The following TMEM184B variants were observed in gnomAD, a reference collection of about 807,000 sequenced individuals.
TMEM184B encodes the protein transmembrane protein 184B, also known as putative MAPK-activating protein FM08.
TMEM184B carries 17 observed loss-of-function variants against 41.8 expected under a neutral mutation model. The observed-to-expected ratio is 0.41, with a 90% CI of 0.28 to 0.61. TMEM184B has a LOEUF of 0.61. TMEM184B is among the 20% of genes least tolerant of loss of function. The probability of loss-of-function intolerance (pLI) is 0.34; values close to 1 mark genes in which losing one functional copy is unlikely to be tolerated. For synonymous variants in TMEM184B, 240 were observed against 229.5 expected (o/e 1.05, Z -0.41); for missense variants, 393 against 557.8 (o/e 0.70, Z 2.98).
rs1186724906 is a variant in TMEM184B, at chr22:38,266,657, A to G, written c.-59+6227T>C. ...AAATGTTTATAACCCGGTGTTAAGT[A>G]AACAATGAGATAACGTGTGTTCATG... On this transcript the variant is annotated intron_variant, in intron 1 of 8. Coordinates refer to ENST00000361906, the MANE Select transcript of TMEM184B (RefSeq NM_012264.5). 3.9e-5 allele frequency among the ~76,000 whole-genome samples: 6 copies of G among 152,272 alleles called. No homozygotes were observed. The East Asian group carries it at 1.2e-3, about 29-fold the overall frequency.
chr22:38,243,773 T>C (rs2091965624), intron 3 of TMEM184B, among the ~76,000 whole-genome samples: 1 of 152,168 alleles, frequency 6.6e-6, no homozygotes, highest in African/African-American at 2.4e-5. Context: ...AGGGGTTTGA[T>C]TAAGTCCCTT....
At chr22:38,218,772 A>T (rs1602342832), downstream of TMEM184B, among the ~76,000 whole-genome samples, 1 of 152,144 alleles carries the variant, frequency 6.6e-6, no homozygotes, top group Non-Finnish European at 1.5e-5. Context: ...GGCTGGTGGG[A>T]ATTCCCCCAC....
intron 3 of TMEM184B, among the ~76,000 whole-genome samples, chr22:38,238,962 G>A (rs1339313071): frequency 3.3e-5 from 5 of 152,180 alleles, no homozygotes; most frequent in Admixed American, 6.5e-5. Context: ...AAAACACGTG[G>A]GAAAACTGTG....
At chr22:38,254,563 G>A (rs989548010) in intron 1 of TMEM184B, among the ~76,000 whole-genome samples, 2 of 151,914 alleles carry the variant, frequency 1.3e-5, no homozygotes, top group Admixed American at 6.6e-5. Context: ...TCACACCACC[G>A]CACTCCAGCC....
chr22:38,243,158 G>A (rs8141378), intron 3 of TMEM184B, among the ~76,000 whole-genome samples: 7,582 of 152,044 alleles, frequency 0.05, 663 homozygotes, highest in African/African-American at 0.17. Context: ...AGGGATAATC[G>A]CGTTGCTAGG....
At chr22:38,245,392 G>T (rs1394189714) in intron 3 of TMEM184B, among the ~76,000 whole-genome samples, 1 of 146,092 alleles carries the variant, frequency 6.8e-6, no homozygotes, top group Non-Finnish European at 1.5e-5. Flanking sequence ...TGCCTGAGAC[G>T]CCAGCATTGA....
At position 38,219,301 on chromosome 22, in the gene TMEM184B, T is replaced by C; in HGVS notation, c.*2168A>G. 1.0e-6 allele frequency: 1 copy of C among 985,726 alleles called. No homozygotes were observed. Among genetic ancestry groups the C allele is most frequent in the Non-Finnish European group, 1.2e-6 (1 of 829,942 alleles). 61.1% of individuals were successfully genotyped at this position (985,726 alleles called of 1,614,324 possible). On this transcript the variant is annotated 3_prime_UTR_variant, in exon 9 of 9. Transcript: ENST00000361906. ...CCTCACCCACAGGCAGAGATTTCAA[T>C]ACAATCTATATTATCTCATATATAG... is the stretch of plus-strand genomic sequence containing the variant.
chr22:38,223,096 C>G (rs1193685991), intron 8 of TMEM184B: 1 of 152,476 alleles, frequency 6.6e-6, no homozygotes, highest in Non-Finnish European at 1.5e-5. Flanking sequence ...CACAGCTGAG[C>G]CAGCTCTGCA....
At chr22:38,218,976 C>T (rs2146033744), downstream of TMEM184B, among the ~76,000 whole-genome samples, 1 of 152,314 alleles carries the variant, frequency 6.6e-6, no homozygotes, top group South Asian at 2.1e-4. Flanking sequence ...CCAGGAAATC[C>T]TGGGAGATGC....
chr22:38,233,509 G>A (rs2091689788), intron 3 of TMEM184B, among the ~76,000 whole-genome samples: 2 of 152,212 alleles, frequency 1.3e-5, no homozygotes, highest in Non-Finnish European at 2.9e-5. Context: ...ACAGGGCTGA[G>A]GGCTGTGTGT....
At chr22:38,221,975 G>C (rs1255630582) in intron 8 of TMEM184B, 1 of 538,544 alleles carries the variant, frequency 1.9e-6, no homozygotes, top group Admixed American at 3.3e-5. Flanking sequence ...GCTGGCTGCA[G>C]GGAAGGGACC....
In TMEM184B at chr22:38,245,973, T is replaced by C. The variant is rs542415603; in HGVS notation, c.320A>G (p.Tyr107Cys). Residue 107 changes from tyrosine (Y) to cysteine (C), a missense_variant, in exon 3 of 9, where the codon TAC (tyrosine) becomes TGC (cysteine). Coordinates refer to ENST00000361906, the MANE Select transcript of TMEM184B (RefSeq NM_012264.5). ...LSLLFFTNDQYYVYFGTVRDC... is the reference protein window; with the variant it reads ...LSLLFFTNDQCYVYFGTVRDC... Reference sequence around the variant, plus strand: ...GCGGACGGTGCCGAAGTACACGTAGTACTGGTCGTTGGTGAAGAAGAGGAG... The same window carrying C: ...GCGGACGGTGCCGAAGTACACGTAGCACTGGTCGTTGGTGAAGAAGAGGAG... 1 of 1,609,124 alleles carries C rather than the reference T, an allele frequency of 6.2e-7. No individual in the cohort carries two copies. The highest frequency in any genetic ancestry group is 1.1e-5 in the South Asian group (1 of 91,014).
chr22:38,256,524 C>T (rs1459161297), intron 1 of TMEM184B, among the ~76,000 whole-genome samples: 2 of 152,062 alleles, frequency 1.3e-5, no homozygotes, highest in East Asian at 1.9e-4. Context: ...CCACCATGCC[C>T]GGCCAACAAT....
At position 38,221,348 on chromosome 22, in the gene TMEM184B, CAATA is replaced by C. The variant is rs1257593140; in HGVS notation, c.*117_*120del. 4.1e-6 allele frequency: 6 copies of C among 1,465,004 alleles called. No homozygotes were observed. The highest frequency in any genetic ancestry group is 2.7e-5 in the Admixed American group (1 of 37,618). The allele number at this position is 1,465,004 out of a possible 1,614,324, so 90.8% of individuals were successfully genotyped here. On this transcript the variant is annotated 3_prime_UTR_variant, in exon 9 of 9. Transcript: ENST00000361906. ...AAGTGACATGTGAGTGTTTCTGGTC[CAATA>C]AATAAAGGCGGCGTGAGCACTGTGC... is the stretch of plus-strand genomic sequence containing the variant.
chr22:38,230,922 A>G (rs2091598882), intron 4 of TMEM184B, among the ~76,000 whole-genome samples, 178 bp from the exon 5 acceptor site: 1 of 152,154 alleles, frequency 6.6e-6, no homozygotes, highest in Non-Finnish European at 1.5e-5. Flanking sequence ...CGCACATGCC[A>G]TAGGCGGAGG....
intron 1 of TMEM184B, chr22:38,272,565 C>T: frequency 1.6e-5 from 16 of 985,680 alleles, no homozygotes; most frequent in Non-Finnish European, 1.9e-5. Flanking sequence ...GCGCCTTGGT[C>T]CATCCGCCTC....
At chr22:38,223,683 T>C (rs1158456017) in intron 8 of TMEM184B, 2 of 152,360 alleles carry the variant, frequency 1.3e-5, no homozygotes, top group African/African-American at 4.8e-5. Flanking sequence ...GCCAGGCTCC[T>C]GGGTGGATGT....
intron 1 of TMEM184B, among the ~76,000 whole-genome samples, chr22:38,270,446 A>T (rs553810391): frequency 8.2e-4 from 125 of 152,300 alleles, no homozygotes; most frequent in Non-Finnish European, 1.4e-3. Flanking sequence ...CAATAAACGG[A>T]CTGTTGTTCC....
chr22:38,243,484 C>T (rs1429687551), intron 3 of TMEM184B, among the ~76,000 whole-genome samples: 1 of 152,160 alleles, frequency 6.6e-6, no homozygotes, highest in Non-Finnish European at 1.5e-5. Flanking sequence ...AGAGGCTGCC[C>T]CTGGGTACCC....
Sources: allele counts gnomAD v4.1 joint callset (sites outside exome capture counted in the v4.1 genomes callset), GRCh38; gene constraint gnomAD v4.1.1; transcripts MANE v1.5; gene names NCBI Gene and HGNC (gene_info 2026-07-23, HGNC 2026-07-21).